ABCC4: variants seen among roughly 807,000 people sequenced by gnomAD.
ABCC4 encodes the protein ATP binding cassette subfamily C member 4 (PEL blood group).
In ABCC4, 102 loss-of-function variants were observed where a neutral mutation model predicts 168.5. That is an observed-to-expected ratio of 0.61 (90% confidence interval 0.52 to 0.71). ABCC4 has a LOEUF of 0.71. Ranked by LOEUF, ABCC4 falls within the 30% of genes least tolerant of loss-of-function variation. ABCC4 has a pLI of 0.00. For synonymous variants in ABCC4, 617 were observed against 590.7 expected (o/e 1.04, Z -0.65); for missense variants, 1,402 against 1,605.8 (o/e 0.87, Z 2.17).
intron 1 of ABCC4, among the ~76,000 whole-genome samples, chr13:95,294,158 A>C (rs1039495314): frequency 1.3e-5 from 2 of 152,052 alleles, no homozygotes; most frequent in African/African-American, 4.8e-5. Context: ...CCTGGCCAAC[A>C]CAGCAAAACC....
rs544798250 is a variant in ABCC4 at position 95,101,226 on chromosome 13, G to A, written c.2535+14696C>T. Among the ~76,000 whole-genome samples the A allele has an allele frequency of 3.9e-5, 6 of 152,272 alleles. No homozygotes were observed. In the East Asian group the frequency reaches 1.2e-3, roughly 29 times the overall value. ...CAATGTGTTTTGTTTGTGGGAGGAG[G>A]GACTGGCACATTCAGTGGTGGTCTC... is the stretch of plus-strand genomic sequence containing the variant. On this transcript the variant is annotated intron_variant, in intron 20 of 30. Coordinates refer to ENST00000645237, the MANE Select transcript of ABCC4 (RefSeq NM_005845.5).
Position 95,295,216 on chromosome 13 carries a change from C to T in ABCC4, c.74+6025G>A, listed in dbSNP as rs117436112. On this transcript the variant is annotated intron_variant, in intron 1 of 30. Transcript: ENST00000645237. ...CCCCAAGAGACTGTGATTCTGCAGA[C>T]ACAGAAATTTACTATTTGGCCGGCC... Among the ~76,000 whole-genome samples the T allele has an allele frequency of 3.1e-3, 477 of 152,172 alleles. 6 individuals carry two copies. Among genetic ancestry groups the T allele is most frequent in the East Asian group, 0.028 (146 of 5,154 alleles).
chr13:95,296,147 C>T (rs1233788355), intron 1 of ABCC4, among the ~76,000 whole-genome samples: 1 of 34,242 alleles, frequency 2.9e-5, no homozygotes, highest in Non-Finnish European at 1.2e-4. Flanking sequence ...CACACACACA[C>T]ACACACACAC....
intron 4 of ABCC4, among the ~76,000 whole-genome samples, chr13:95,211,104 A>G (rs4148469): frequency 0.76 from 115,183 of 152,086 alleles, 44,226 homozygotes; most frequent in Non-Finnish European, 0.84. Flanking sequence ...AGGGAAGAAC[A>G]GAGAGGCTGT....
intron 9 of ABCC4, among the ~76,000 whole-genome samples, chr13:95,194,298 C>T (rs1051189282): frequency 5.3e-5 from 8 of 152,234 alleles, no homozygotes; most frequent in Non-Finnish European, 1.2e-4. Flanking sequence ...CGGCCTGCAG[C>T]CTCCCCTCGG....
At chr13:95,103,830 T>A (rs1047071108) in intron 20 of ABCC4, among the ~76,000 whole-genome samples, 1 of 152,144 alleles carries the variant, frequency 6.6e-6, no homozygotes, top group African/African-American at 2.4e-5. Context: ...CCCCTCTGCA[T>A]CTCTCCATCT....
At position 95,077,757 on chromosome 13, in the gene ABCC4, G is replaced by A. The variant is rs75411374; in HGVS notation, c.2687-2206C>T. ...AAAATTCTAACTCATTTTCTGGGTC[G>A]GACTCTTAGTACAGCATCCCCATGC... is the stretch of plus-strand genomic sequence containing the variant. On this transcript the variant is annotated intron_variant, in intron 21 of 30. Transcript: ENST00000645237. Among the ~76,000 whole-genome samples, 17 of 152,214 alleles carry A rather than the reference G, an allele frequency of 1.1e-4. No homozygotes were observed. The East Asian group carries it at 2.9e-3, about 26-fold the overall frequency.
At chr13:95,282,042 G>A (rs7987823) in intron 1 of ABCC4, among the ~76,000 whole-genome samples, 1,767 of 151,990 alleles carry the variant, frequency 0.012, 31 homozygotes, top group African/African-American at 0.04. Context: ...GGGAGGGGTG[G>A]AGGTTGCAGT....
rs563830871 is a variant in ABCC4, at chr13:95,120,482, C to T, written c.2456-4481G>A. 2.0e-5 allele frequency among the ~76,000 whole-genome samples: 3 copies of T among 146,844 alleles called. No homozygotes were observed. The South Asian group carries it at 6.4e-4, about 31-fold the overall frequency. On this transcript the variant is annotated intron_variant, in intron 19 of 30. Transcript: ENST00000645237. ...CATGGGAAGCTGAGGCAGAGAATTG[C>T]TTGAGCTCGGGAGGCGGAGGTTGCC...
intron 11 of ABCC4, among the ~76,000 whole-genome samples, chr13:95,184,172 G>A (rs1277718301): frequency 6.6e-6 from 1 of 152,190 alleles, no homozygotes; most frequent in Non-Finnish European, 1.5e-5. Flanking sequence ...CCGAGTTACT[G>A]GGCCAGTCCT....
chr13:95,165,124 C>T (rs1285232945), intron 15 of ABCC4, among the ~76,000 whole-genome samples: 2 of 152,178 alleles, frequency 1.3e-5, no homozygotes, highest in African/African-American at 4.8e-5. Flanking sequence ...ACTTACCTAG[C>T]ACACCCAAAT....
intron 1 of ABCC4, among the ~76,000 whole-genome samples, chr13:95,283,886 G>A (rs139151422): frequency 2.9e-5 from 4 of 139,174 alleles, no homozygotes; most frequent in African/African-American, 8.1e-5. Flanking sequence ...CAACAAGAGC[G>A]AAACTCCGTC....
At chr13:95,088,651 C>G (rs1437520871) in intron 20 of ABCC4, among the ~76,000 whole-genome samples, 7 of 151,946 alleles carry the variant, frequency 4.6e-5, no homozygotes, top group African/African-American at 9.7e-5. Flanking sequence ...AAATTAGAAA[C>G]TTTTCAAATA....
intron 3 of ABCC4, among the ~76,000 whole-genome samples, chr13:95,240,140 A>G (rs1190468615): frequency 6.6e-6 from 1 of 152,258 alleles, no homozygotes; most frequent in African/African-American, 2.4e-5. Context: ...TAAATGATAC[A>G]GCATGCAAGG....
Position 95,023,337 on chromosome 13 carries a change from CCTTT to C in ABCC4, c.3871-1659_3871-1656del, listed in dbSNP as rs764312382. On this transcript the variant is annotated intron_variant, in intron 30 of 30. Transcript: ENST00000645237. ...CCTGTGTATATATTCTTTGATTTGA[CCTTT>C]CTTTTTCTCTTCTGCTACCAGGTTT... Among the ~76,000 whole-genome samples the C allele has an allele frequency of 1.1e-3, 162 of 152,252 alleles. 4 individuals carry two copies. In the Middle Eastern group the frequency reaches 0.014, roughly 13 times the overall value.
intron 25 of ABCC4, among the ~76,000 whole-genome samples, chr13:95,066,478 C>CAA (rs200718321): frequency 5.9e-5 from 9 of 151,700 alleles, no homozygotes; most frequent in African/African-American, 2.2e-4. Context: ...TGGTGTCCTG[C>CAA]AAAAAAAACC....
chr13:95,103,768 T>G (rs1165815546), intron 20 of ABCC4, among the ~76,000 whole-genome samples: 2 of 152,130 alleles, frequency 1.3e-5, no homozygotes, highest in African/African-American at 2.4e-5. Context: ...TCCACCCAAA[T>G]CTCTAAACTC....
rs147956874 is a variant in ABCC4, at chr13:95,188,641, C to T, written c.1264-99G>A. ...AATACAACAGTCATTGATACATGAA[C>T]ATAACCCAAATCTTTCTCCTTCCTA... On this transcript the variant is annotated intron_variant, in intron 9 of 30. Transcript: ENST00000645237. The T allele has an allele frequency of 4.9e-3, 4,438 of 909,368 alleles. 21 individuals carry two copies. The highest frequency in any genetic ancestry group is 6.2e-3 in the Non-Finnish European group (3,696 of 594,246). The allele number at this position is 909,368 out of a possible 1,614,324, so 56.3% of individuals were successfully genotyped here. A position where few individuals can be genotyped will look rare whatever the true frequency, so the allele number is the denominator to read the frequency against.
At chr13:95,184,752 C>T (rs2038005223) in intron 11 of ABCC4, among the ~76,000 whole-genome samples, 1 of 152,210 alleles carries the variant, frequency 6.6e-6, no homozygotes, top group Non-Finnish European at 1.5e-5. Context: ...AGACAAGGCC[C>T]AGGTTGCCAA....
Sources: allele counts gnomAD v4.1 joint callset (sites outside exome capture counted in the v4.1 genomes callset), GRCh38; gene constraint gnomAD v4.1.1; transcripts MANE v1.5; gene names NCBI Gene and HGNC (gene_info 2026-07-23, HGNC 2026-07-21).